The following MTCL2 variants were observed in gnomAD, a reference collection of about 807,000 sequenced individuals.
MTCL2 encodes microtubule crosslinking factor 2.
At chr20:36,811,804 T>A in the MTCL2 span, among the ~76,000 whole-genome samples, 5 of 152,158 alleles carry the variant, frequency 3.3e-5, no homozygotes, top group Non-Finnish European at 7.4e-5. Context: ...CTGACCTTCC[T>A]GGGACTACAG....
chr20:36,803,956 C>CA, the MTCL2 span, among the ~76,000 whole-genome samples: 3,956 of 41,830 alleles, frequency 0.095, 526 homozygotes, highest in African/African-American at 0.27. Flanking sequence ...GATGCCGTCT[C>CA]AAAAAAAAAA....
the MTCL2 span, among the ~76,000 whole-genome samples, chr20:36,795,392 T>C: frequency 6.6e-6 from 1 of 152,184 alleles, no homozygotes; most frequent in African/African-American, 2.4e-5. Context: ...ACCTGGCCTC[T>C]CTTTGCACTT....
At chr20:36,793,752 G>A in the MTCL2 span, 1 of 1,541,768 alleles carries the variant, frequency 6.5e-7, no homozygotes, top group Non-Finnish European at 8.7e-7. The surrounding 1 kb of genome is among the most constrained non-coding windows in gnomAD (Gnocchi z 6.8). Flanking sequence ...CGCCTCTGGA[G>A]CTTTGGTGAG....
chr20:36,789,088 T>C, the MTCL2 span, among the ~76,000 whole-genome samples: 1 of 152,148 alleles, frequency 6.6e-6, no homozygotes, highest in Non-Finnish European at 1.5e-5. Context: ...TTTTTCTTTA[T>C]CCATCTCTGT....
At chr20:36,835,047 T>C in the MTCL2 span, among the ~76,000 whole-genome samples, 1 of 152,058 alleles carries the variant, frequency 6.6e-6, no homozygotes, top group Non-Finnish European at 1.5e-5. Context: ...TTTCCAGACC[T>C]AGTATTTAAT....
At chr20:36,831,600 G>A in the MTCL2 span, among the ~76,000 whole-genome samples, 1 of 152,134 alleles carries the variant, frequency 6.6e-6, no homozygotes, top group East Asian at 1.9e-4. Context: ...ACAACGACCA[G>A]AAAGGAAACC....
At chr20:36,812,788 G>T in the MTCL2 span, 3 of 1,613,806 alleles carry the variant, frequency 1.9e-6, no homozygotes, top group Non-Finnish European at 2.5e-6. Context: ...AGTCACCAGT[G>T]CGGAAAGCCT....
At chr20:36,821,347 C>T in the MTCL2 span, among the ~76,000 whole-genome samples, 2 of 152,028 alleles carry the variant, frequency 1.3e-5, no homozygotes, top group Non-Finnish European at 2.9e-5. Flanking sequence ...CATGGAGAAA[C>T]CCCGTCTCTA....
At chr20:36,844,457 G>A in the MTCL2 span, among the ~76,000 whole-genome samples, 2 of 151,146 alleles carry the variant, frequency 1.3e-5, no homozygotes, top group Non-Finnish European at 3.0e-5. Context: ...ATCCAAATAG[G>A]CCGTGACTTT....
chr20:36,784,782 A>G, the MTCL2 span: 2 of 985,570 alleles, frequency 2.0e-6, no homozygotes, highest in Non-Finnish European at 1.2e-6. Context: ...GTGAAAGGCC[A>G]TAAGGCTAAG....
At chr20:36,859,827 T>G in the MTCL2 span, 2 of 1,231,696 alleles carry the variant, frequency 1.6e-6, no homozygotes, top group Non-Finnish European at 2.0e-6. Context: ...TGTACTCAGT[T>G]TCTGCATCTT....
At chr20:36,797,604 A>G in the MTCL2 span, 4 of 1,550,430 alleles carry the variant, frequency 2.6e-6, no homozygotes, top group East Asian at 9.8e-5. Flanking sequence ...TGGGTCGGTA[A>G]TGGGCAAAGC....
chr20:36,833,934 C>T, the MTCL2 span, among the ~76,000 whole-genome samples: 1 of 151,948 alleles, frequency 6.6e-6, no homozygotes, highest in African/African-American at 2.4e-5. Context: ...AGGCCGAGGC[C>T]GGCAGATCAC....
chr20:36,793,741 C>G, the MTCL2 span: 1 of 1,542,654 alleles, frequency 6.5e-7, no homozygotes, highest in Non-Finnish European at 8.7e-7. The surrounding 1 kb of genome is among the most constrained non-coding windows in gnomAD (Gnocchi z 6.8). Flanking sequence ...TGGACACAGA[C>G]CGCCTCTGGA....
chr20:36,807,522 C>G, the MTCL2 span, among the ~76,000 whole-genome samples: 1 of 152,136 alleles, frequency 6.6e-6, no homozygotes, highest in Non-Finnish European at 1.5e-5. Context: ...CCTTCTCTTC[C>G]CTGATGTGTT....
At chr20:36,815,106 C>A in the MTCL2 span, 1 of 1,539,194 alleles carries the variant, frequency 6.5e-7, no homozygotes, top group Non-Finnish European at 8.7e-7. This position sits in a 1 kb window ranked among gnomAD's most constrained non-coding sequence, Gnocchi z 5.3. Flanking sequence ...ATAATAGGAT[C>A]TGTGCATGAG....
chr20:36,810,307 T>C, the MTCL2 span, among the ~76,000 whole-genome samples: 6 of 152,218 alleles, frequency 3.9e-5, no homozygotes, highest in African/African-American at 1.4e-4. Flanking sequence ...ATATCAAATC[T>C]GGCTTTTGTT....
the MTCL2 span, among the ~76,000 whole-genome samples, chr20:36,806,510 A>C: frequency 6.6e-6 from 1 of 151,826 alleles, no homozygotes; most frequent in East Asian, 1.9e-4. Flanking sequence ...ATGTTATGTA[A>C]TTTTCTGTGT....
the MTCL2 span, chr20:36,785,933 G>A: frequency 2.0e-6 from 2 of 987,924 alleles, no homozygotes; most frequent in Non-Finnish European, 2.4e-6. Context: ...AGAGCAGTGG[G>A]GCTGGGAGGA....
Sources: gnomAD v4.1 joint callset for allele counts (sites outside exome capture counted in the v4.1 genomes callset) on GRCh38, gnomAD v4.1.1 for gene constraint, Gnocchi (gnomAD v3.1) non-coding constraint, MANE v1.5 for transcripts, NCBI Gene and HGNC (gene_info 2026-07-23, HGNC 2026-07-21) for gene names.